Variants in PAQR9 observed in about 807,000 individuals in gnomAD.
PAQR9 encodes progestin and adipoQ receptor family member 9, also known as membrane progestin receptor epsilon.
PAQR9 carries 12 observed loss-of-function variants against 24.0 expected under a neutral mutation model. That is an observed-to-expected ratio of 0.50 (90% confidence interval 0.32 to 0.81). The LOEUF (loss-of-function observed/expected upper bound fraction) is 0.81, where lower values mean the gene tolerates loss of function less well. Among genes scored for constraint, PAQR9 ranks in the 30% least tolerant of loss-of-function variants. The pLI is 0.03. For missense variants in PAQR9, 418 were observed against 520.8 expected, an observed-to-expected ratio of 0.80 and a Z score of 1.92; for synonymous variants, 266 against 237.6, an observed-to-expected ratio of 1.12 and a Z score of -1.10.
upstream of PAQR9, chr3:142,963,810 C>G: frequency 4.1e-6 from 4 of 985,118 alleles, no homozygotes; most frequent in Non-Finnish European, 4.8e-6. Flanking sequence ...GTTTCGCGGC[C>G]GCTTCGGGGG....
rs534188884 is a variant in PAQR9, at chr3:142,958,945, G to GC, written c.*3257dup. Among the ~76,000 whole-genome samples the GC allele has an allele frequency of 1.8e-4, 28 of 152,288 alleles. 1 individual carries two copies. In the East Asian group the frequency reaches 5.4e-3, roughly 29 times the overall value. On this transcript the variant is annotated 3_prime_UTR_variant, in exon 1 of 1. Transcript: ENST00000340634. The stretch of plus-strand genomic sequence containing the variant: ...TAGCCAACTAAGTCAGTCTGAGTCA[G>GC]CCCCAGAGACCAACCCACGGGGTGA...
Position 142,962,514 on chromosome 3 carries a change from C to A in PAQR9, c.823G>T (p.Val275Leu), listed in dbSNP as rs1385030857. The change falls in exon 1 of 1, where the codon GTG (valine) becomes TTG (leucine). Residue 275 changes from valine to leucine, a missense_variant. Val to Leu is a conservative substitution (Grantham distance 32, BLOSUM62 1). Around this residue, in one of 3 missense-constraint regions of PAQR9, gnomAD observed 230 missense variants for 305.2 expected, o/e 0.75. Transcript: ENST00000340634. ...CAGAAGTAGCGGCGGTAGAAGTGCACGAAGAGTGTGGGGTTCTCCCCACGC... is the reference window on the plus strand; with the variant it reads ...CAGAAGTAGCGGCGGTAGAAGTGCAAGAAGAGTGTGGGGTTCTCCCCACGC... ...DLRGENPTLF[V>L]HFYRRYFWLV... The A allele has an allele frequency of 6.2e-7, 1 of 1,612,602 alleles. No homozygotes were observed. Among genetic ancestry groups the A allele is most frequent in the African/African-American group, 1.3e-5 (1 of 74,926 alleles).
rs1934776993 is a variant in PAQR9, at chr3:142,955,455, A to T, written c.*6748T>A. Among the ~76,000 whole-genome samples, 1 of 141,056 alleles carries T rather than the reference A, an allele frequency of 7.1e-6. No homozygotes were observed. The highest frequency in any genetic ancestry group is 2.7e-5 in the African/African-American group (1 of 36,544). 92.5% of individuals were successfully genotyped at this position (141,056 alleles called of 152,430 possible). Reference sequence around the variant, plus strand: ...GTCTATACAAATTAAAAAAAAAAAAAAAAAAAAAAAAAAAAAAAAAAAGCA... The same window carrying T: ...GTCTATACAAATTAAAAAAAAAAAATAAAAAAAAAAAAAAAAAAAAAAGCA... On this transcript the variant is annotated 3_prime_UTR_variant, in exon 1 of 1. Coordinates refer to ENST00000340634, the MANE Select transcript of PAQR9 (RefSeq NM_198504.4).
chr3:142,956,695 C>A lies in PAQR9; in HGVS notation c.*5508G>T, dbSNP rs1188293479. 6.6e-6 allele frequency among the ~76,000 whole-genome samples: 1 copy of A among 152,210 alleles called. No individual in the cohort carries two copies. The highest frequency in any genetic ancestry group is 1.5e-5 in the Non-Finnish European group (1 of 68,034). On this transcript the variant is annotated 3_prime_UTR_variant, in exon 1 of 1. Coordinates refer to ENST00000340634, the MANE Select transcript of PAQR9 (RefSeq NM_198504.4). ...GGCCCCTGACCTATAAATAAACACT[C>A]TAATTCTGCAACTTGCTCACAGATT...
In PAQR9 at chr3:142,962,680, C is replaced by G; in HGVS notation, c.657G>C (p.Val219=). The G allele has an allele frequency of 3.1e-6, 5 of 1,612,296 alleles. No individual in the cohort carries two copies. The highest frequency in any genetic ancestry group is 4.2e-6 in the Non-Finnish European group (5 of 1,179,432). Residue 219 remains valine (V), a synonymous_variant, in exon 1 of 1, where the codon GTG becomes GTC. Transcript: ENST00000340634. Reference sequence around the variant, plus strand: ...AGGCCACAGTGCAAGCCACCGCCAGCACGAAGGCCACAGGCAGCACCAGGG... The same window carrying G: ...AGGCCACAGTGCAAGCCACCGCCAGGACGAAGGCCACAGGCAGCACCAGGG... ...YRALVLPVAF[V]LAVACTVACC...
downstream of PAQR9, chr3:142,951,757 C>T (rs577149033): frequency 9.0e-5 from 41 of 456,618 alleles, no homozygotes; most frequent in East Asian, 1.1e-3. Context: ...GATGCTCTAT[C>T]TTCACTCTTT....
At chr3:142,954,117 A>G (rs1276781642), downstream of PAQR9, among the ~76,000 whole-genome samples, 1 of 152,208 alleles carries the variant, frequency 6.6e-6, no homozygotes, top group African/African-American at 2.4e-5. Flanking sequence ...AATAATTAAC[A>G]TGATTTAAAG....
chr3:142,963,608 C>T lies in PAQR9; in HGVS notation c.-272G>A. The T allele has an allele frequency of 2.5e-6, 2 of 790,124 alleles. No individual in the cohort carries two copies. Among genetic ancestry groups the T allele is most frequent in the African/African-American group, 1.9e-5 (1 of 53,238 alleles). 48.9% of individuals were successfully genotyped at this position (790,124 alleles called of 1,614,324 possible). On this transcript the variant is annotated 5_prime_UTR_variant, in exon 1 of 1. Transcript: ENST00000340634. ...TCGCCAAGCCCCTGCTACCGGCGCG[C>T]GGCCGCCCGCGCTGCGGCAGCGGCG... is the stretch of plus-strand genomic sequence containing the variant.
rs763536009 is a variant in PAQR9, at chr3:142,962,226, A to G, written c.1111T>C (p.Ser371Pro). ...GLVIRKFLNS[S>P]EFCSKK ...GCTCACTTTTTACTGCAGAATTCGG[A>G]GCTGTTTAGGAACTTCCTGATTACC... is the stretch of plus-strand genomic sequence containing the variant. The change falls in exon 1 of 1, where the codon TCC (serine) becomes CCC (proline). Residue 371 changes from serine to proline, a missense_variant. Physicochemically the swap from Ser to Pro is moderately conservative, Grantham distance 74. This residue lies in a region of PAQR9 where 230 missense variants were observed against 305.2 expected (regional missense o/e 0.75). Transcript: ENST00000340634. The G allele has an allele frequency of 6.2e-6, 10 of 1,613,898 alleles. No individual in the cohort carries two copies. Among genetic ancestry groups the G allele is most frequent in the South Asian group, 3.3e-5 (3 of 91,088 alleles).
At position 142,954,999 on chromosome 3, in the gene PAQR9, T is replaced by C. The variant is rs139695163; in HGVS notation, c.*7204A>G. On this transcript the variant is annotated 3_prime_UTR_variant, in exon 1 of 1. Coordinates refer to ENST00000340634, the MANE Select transcript of PAQR9 (RefSeq NM_198504.4). ...TAAAAAGAATGAATCTGGCAAGCAA[T>C]GGGAAAAATTTCTTTGTGCGCGCAT... Among the ~76,000 whole-genome samples, 1,544 of 152,202 alleles carry C rather than the reference T, an allele frequency of 0.01. 30 individuals carry two copies. Among genetic ancestry groups the C allele is most frequent in the African/African-American group, 0.035 (1,463 of 41,516 alleles).
rs200696132 is a variant in PAQR9, at chr3:142,963,223, T to C, written c.114A>G (p.Pro38=). Residue 38 remains proline, a synonymous_variant, in exon 1 of 1, where the codon CCA becomes CCG. Coordinates refer to ENST00000340634, the MANE Select transcript of PAQR9 (RefSeq NM_198504.4). ...AGCGCAGCAGCGGCTTGGCAGACGC[T>C]GGGGGGTCCCGGGAGGCGGCAGAGT... The part of the protein sequence containing the change: ...NSHSAASRDP[P]ASAKPLLRWD... 6,404 of 1,556,890 alleles carry C rather than the reference T, an allele frequency of 4.1e-3. 139 individuals are homozygous for C. The African/African-American group carries it at 0.059, about 14-fold the overall frequency.
At chr3:142,952,691 T>C (rs1934732549), downstream of PAQR9, 2 of 449,054 alleles carry the variant, frequency 4.5e-6, no homozygotes. Context: ...TTTCTTCTTA[T>C]CTTGTCTTCC....
rs1560160485 is a variant in PAQR9, at chr3:142,963,460, T to C, written c.-124A>G. 9.6e-7 allele frequency: 1 copy of C among 1,042,928 alleles called. No individual in the cohort carries two copies. The highest frequency in any genetic ancestry group is 1.7e-5 in the African/African-American group (1 of 58,300). 64.6% of individuals were successfully genotyped at this position (1,042,928 alleles called of 1,614,324 possible). On this transcript the variant is annotated 5_prime_UTR_variant, in exon 1 of 1. Coordinates refer to ENST00000340634, the MANE Select transcript of PAQR9 (RefSeq NM_198504.4). ...CACGCCGGGGGCGTCGCTGCAGGTT[T>C]AGGAGAAGACCCGTGCCTCCGAGCA...
At chr3:142,953,952 G>T (rs557586759), downstream of PAQR9, among the ~76,000 whole-genome samples, 51 of 152,200 alleles carry the variant, frequency 3.4e-4, no homozygotes, top group Non-Finnish European at 4.4e-4. Context: ...CCCTGGAGAG[G>T]CAGGGGTTTC....
chr3:142,963,865 G>A (rs1378410242), upstream of PAQR9: 4 of 985,146 alleles, frequency 4.1e-6, no homozygotes, highest in Non-Finnish European at 4.8e-6. Flanking sequence ...CCCCCTCCTC[G>A]GGCCGCCGCA....
At chr3:142,950,570 T>C, downstream of PAQR9, 1 of 447,570 alleles carries the variant, frequency 2.2e-6, no homozygotes, top group South Asian at 1.6e-5. Context: ...GGGAACCTTC[T>C]GATGAGCTTA....
In PAQR9 at chr3:142,960,058, T is replaced by C. The variant is rs1204991669; in HGVS notation, c.*2145A>G. 1.3e-5 allele frequency among the ~76,000 whole-genome samples: 2 copies of C among 152,206 alleles called. No individual in the cohort carries two copies. The highest frequency in any genetic ancestry group is 4.8e-5 in the African/African-American group (2 of 41,454). On this transcript the variant is annotated 3_prime_UTR_variant, in exon 1 of 1. Transcript: ENST00000340634. ...TGTTGTAAGTACAAATTAGCCTCTG[T>C]AACCTAACAGGAATCTCCTTGCACT...
At position 142,956,897 on chromosome 3, in the gene PAQR9, A is replaced by G. The variant is rs1281318433; in HGVS notation, c.*5306T>C. ...CACAATTAAGAAATAATTATTCACAATACCGAAGAAGCCAAATCTTCAATA... is the reference window on the plus strand; with the variant it reads ...CACAATTAAGAAATAATTATTCACAGTACCGAAGAAGCCAAATCTTCAATA... On this transcript the variant is annotated 3_prime_UTR_variant, in exon 1 of 1. Coordinates refer to ENST00000340634, the MANE Select transcript of PAQR9 (RefSeq NM_198504.4). 1.3e-5 allele frequency among the ~76,000 whole-genome samples: 2 copies of G among 152,236 alleles called. No individual in the cohort carries two copies. The highest frequency in any genetic ancestry group is 4.8e-5 in the African/African-American group (2 of 41,466).
At position 142,957,450 on chromosome 3, in the gene PAQR9, ATGTTTTCTAAGACATGTTTC is replaced by A; in HGVS notation, c.*4733_*4752del. On this transcript the variant is annotated 3_prime_UTR_variant, in exon 1 of 1. Transcript: ENST00000340634. ...CTTTTTAATGATTTCCTCCAGATTA[ATGTTTTCTAAGACATGTTTC>A]ATAAGTTACAACACAAAGATCCTAA... Among the ~76,000 whole-genome samples the A allele has an allele frequency of 6.6e-6, 1 of 152,144 alleles. No homozygotes were observed. The highest frequency in any genetic ancestry group is 1.9e-4 in the East Asian group (1 of 5,198).
Sources: gnomAD v4.1 joint callset for allele counts (sites outside exome capture counted in the v4.1 genomes callset) on GRCh38, gnomAD v4.1.1 for gene constraint, gnomAD v4.1.1 regional missense constraint, MANE v1.5 for transcripts, NCBI Gene and HGNC (gene_info 2026-07-23, HGNC 2026-07-21) for gene names.